Variants in BRAF observed in about 807,000 individuals in gnomAD.
The protein encoded by BRAF is serine/threonine-protein kinase B-raf.
A neutral mutation model predicts 104.6 loss-of-function variants in BRAF; 16 were observed. The ratio of observed to expected loss-of-function variants is 0.15; its 90% CI spans 0.10 to 0.23. The LOEUF (loss-of-function observed/expected upper bound fraction) is 0.23, where lower values mean the gene tolerates loss of function less well. Ranked by LOEUF, BRAF falls within the 10% of genes least tolerant of loss-of-function variation. The pLI is 1.00. For synonymous variants in BRAF, 310 were observed against 341.6 expected, an observed-to-expected ratio of 0.91 and a Z score of 1.02; for missense variants, 541 against 937.3, an observed-to-expected ratio of 0.58 and a Z score of 5.52.
chr7:140,901,508 T>C (rs567164887), intron 1 of BRAF, among the ~76,000 whole-genome samples: 9 of 152,352 alleles, frequency 5.9e-5, no homozygotes, highest in Admixed American at 2.0e-4. Flanking sequence ...ACAGAAATTG[T>C]TGAATCAGGT....
chr7:140,800,399 C>T lies in BRAF; in HGVS notation c.943G>A (p.Gly315Arg), dbSNP rs1382327548. 1 of 1,614,154 alleles carries T rather than the reference C, an allele frequency of 6.2e-7. No individual in the cohort carries two copies. The highest frequency in any genetic ancestry group is 1.3e-5 in the African/African-American group (1 of 75,032). The change falls in exon 7 of 20, where the codon GGA becomes AGA. Residue 315 changes from glycine (G) to arginine (R), a missense_variant. Transcript: ENST00000644969. ...ASLAETALTS[G>R]SSPSAPASDS... ...GAGGCGGGTGCGGAAGGGGATGATC[C>T]AGATGTTAGGGCAGTCTCTGCTAAG...
chr7:140,725,682 T>C lies in BRAF; in HGVS notation c.*812A>G. ...AGATATAAACTGTATTTCCTGAGAA[T>C]TTGCTACATTGTGGAGGAAAAAAAA... On this transcript the variant is annotated 3_prime_UTR_variant, in exon 20 of 20. Coordinates refer to ENST00000644969, the MANE Select transcript of BRAF (RefSeq NM_001374258.1). The C allele has an allele frequency of 9.4e-7, 1 of 1,058,580 alleles. No homozygotes were observed. Among genetic ancestry groups the C allele is most frequent in the African/African-American group, 1.7e-5 (1 of 60,090 alleles). The allele number at this position is 1,058,580 out of a possible 1,614,324, so 65.6% of individuals were successfully genotyped here.
At chr7:140,809,183 A>T (rs886985163) in intron 3 of BRAF, among the ~76,000 whole-genome samples, 188 bp from the exon 4 acceptor site, 1 of 152,240 alleles carries the variant, frequency 6.6e-6, no homozygotes, top group African/African-American at 2.4e-5. Flanking sequence ...TTATTCACCA[A>T]CTTAAATCAA....
intron 1 of BRAF, among the ~76,000 whole-genome samples, chr7:140,888,108 TGTGATCC>T (rs1358527089): frequency 6.6e-6 from 1 of 152,154 alleles, no homozygotes; most frequent in Non-Finnish European, 1.5e-5. Context: ...CTCCTGACCT[TGTGATCC>T]GTCTACCTCG....
At chr7:140,816,212 G>C (rs1286688928) in intron 3 of BRAF, among the ~76,000 whole-genome samples, 1 of 152,142 alleles carries the variant, frequency 6.6e-6, no homozygotes, top group Non-Finnish European at 1.5e-5. Flanking sequence ...ATGAGTAAGT[G>C]AAAGTGTTTT....
chr7:140,752,430 T>C (rs1797865800), intron 16 of BRAF, among the ~76,000 whole-genome samples: 1 of 152,204 alleles, frequency 6.6e-6, no homozygotes, highest in African/African-American at 2.4e-5. Flanking sequence ...GGTTGAAGGA[T>C]ATAAAGAAAA....
intron 19 of BRAF, among the ~76,000 whole-genome samples, chr7:140,727,183 TTC>T (rs1491395184): frequency 1.4e-5 from 2 of 141,496 alleles, no homozygotes; most frequent in South Asian, 2.2e-4. Context: ...CATTATTTTT[TTC>T]TTTTTTTTTT....
At chr7:140,810,589 C>G (rs142313292) in intron 3 of BRAF, among the ~76,000 whole-genome samples, 3 of 152,122 alleles carry the variant, frequency 2.0e-5, no homozygotes, top group Non-Finnish European at 4.4e-5. Context: ...AAGAAAAACC[C>G]TGAACTTTTA....
chr7:140,919,254 C>G lies in BRAF; in HGVS notation c.138+5312G>C, dbSNP rs1042954068. Among the ~76,000 whole-genome samples, 4 of 152,108 alleles carry G rather than the reference C, an allele frequency of 2.6e-5. 1 individual carries two copies. Among genetic ancestry groups the G allele is most frequent in the Admixed American group, 6.6e-5 (1 of 15,260 alleles). ...AACCACCGTCCCACAGTACATTTGT[C>G]CCAAACGTGCTGTCAGGAACTGCAG... On this transcript the variant is annotated intron_variant, in intron 1 of 19. Transcript: ENST00000644969.
At chr7:140,884,216 T>A (rs976252689) in intron 1 of BRAF, 7 of 151,880 alleles carry the variant, frequency 4.6e-5, no homozygotes, top group South Asian at 2.1e-4. Context: ...AAATTTTTTT[T>A]AAAATTAGAT....
chr7:140,792,515 C>T (rs1802089651), intron 8 of BRAF, among the ~76,000 whole-genome samples: 1 of 152,148 alleles, frequency 6.6e-6, no homozygotes, highest in South Asian at 2.1e-4. Context: ...CTATGCCTTT[C>T]ATTTCCTTAA....
intron 3 of BRAF, among the ~76,000 whole-genome samples, chr7:140,820,954 A>G (rs967832199): frequency 1.3e-5 from 2 of 152,234 alleles, no homozygotes; most frequent in Non-Finnish European, 2.9e-5. Context: ...AAAAATCTCA[A>G]GGAACATATA....
At chr7:140,818,894 T>C (rs989862376) in intron 3 of BRAF, among the ~76,000 whole-genome samples, 5 of 152,194 alleles carry the variant, frequency 3.3e-5, no homozygotes, top group African/African-American at 1.2e-4. Context: ...TTACCTATCT[T>C]ACGTAGTCTA....
intron 14 of BRAF, among the ~76,000 whole-genome samples, chr7:140,769,347 GA>G (rs1799623886): frequency 6.6e-6 from 1 of 151,510 alleles, no homozygotes; most frequent in Non-Finnish European, 1.5e-5. Context: ...CAAGGTGCTG[GA>G]ATTACAGGCA....
At position 140,787,316 on chromosome 7, in the gene BRAF, A is replaced by G. The variant is rs1019431938; in HGVS notation, c.1177+232T>C. ...ACTCCGTCTCAAAAAAAAAAAAAAA[A>G]AAAAAAAAGACTTCCTTTTATGTCC... On this transcript the variant is annotated intron_variant, in intron 9 of 19. Transcript: ENST00000644969. 3.4e-5 allele frequency among the ~76,000 whole-genome samples: 5 copies of G among 148,774 alleles called. No individual in the cohort carries two copies. The South Asian group carries it at 1.1e-3, about 32-fold the overall frequency.
At chr7:140,902,072 C>T (rs766012135) in intron 1 of BRAF, among the ~76,000 whole-genome samples, 46 of 152,190 alleles carry the variant, frequency 3.0e-4, no homozygotes, top group African/African-American at 1.0e-3. Context: ...CTGCTCTTAG[C>T]GGATAATGGT....
chr7:140,858,967 T>A (rs1001165210), intron 1 of BRAF, among the ~76,000 whole-genome samples: 10 of 151,982 alleles, frequency 6.6e-5, no homozygotes, highest in Admixed American at 6.6e-4. Context: ...CTATAAAAAC[T>A]AACAGAAGAG....
intron 1 of BRAF, among the ~76,000 whole-genome samples, chr7:140,896,056 T>A (rs1375827042): frequency 6.6e-6 from 1 of 152,162 alleles, no homozygotes; most frequent in African/African-American, 2.4e-5. Context: ...CCAGCATTTT[T>A]AATTTTTTGT....
Position 140,734,292 on chromosome 7 carries a change from G to A in BRAF, c.2401+325C>T, listed in dbSNP as rs1157997489. ...GGCAACAAAAGTTGCATGAGAAACT[G>A]AAGTTTACTACTTAAAATAACCAAG... is the stretch of plus-strand genomic sequence containing the variant. On this transcript the variant is annotated intron_variant, in intron 19 of 19. Transcript: ENST00000644969. 1.9e-5 allele frequency: 24 copies of A among 1,233,966 alleles called. No homozygotes were observed. The South Asian group carries it at 4.7e-4, about 24-fold the overall frequency. The allele number at this position is 1,233,966 out of a possible 1,614,324, so 76.4% of individuals were successfully genotyped here.
Sources: allele counts gnomAD v4.1 joint callset (sites outside exome capture counted in the v4.1 genomes callset), GRCh38; gene constraint gnomAD v4.1.1; transcripts MANE v1.5; gene names NCBI Gene and HGNC (gene_info 2026-07-23, HGNC 2026-07-21).